SHISA9: variants seen among roughly 807,000 people sequenced by gnomAD.
SHISA9 encodes shisa family member 9.
In SHISA9, 13 loss-of-function variants were observed where a neutral mutation model predicts 38.0. The observed-to-expected ratio is 0.34, with a 90% CI of 0.22 to 0.54. The LOEUF (loss-of-function observed/expected upper bound fraction) is 0.54. SHISA9 is among the 20% of genes least tolerant of loss of function. SHISA9 has a pLI of 0.91. For synonymous variants in SHISA9, 275 were observed against 242.0 expected, an observed-to-expected ratio of 1.14 and a Z score of -1.27; for missense variants, 538 against 575.8, an observed-to-expected ratio of 0.93 and a Z score of 0.67.
intron 2 of SHISA9, among the ~76,000 whole-genome samples, chr16:13,069,727 TAATCTC>T (rs1455572243): frequency 1.3e-5 from 2 of 152,092 alleles, no homozygotes; most frequent in African/African-American, 4.8e-5. Context: ...TCTTGAAACT[TAATCTC>T]AGTGTGTGCA....
At chr16:13,524,871 C>A in the SHISA9 span, among the ~76,000 whole-genome samples, 1 of 152,076 alleles carries the variant, frequency 6.6e-6, no homozygotes, top group Admixed American at 6.5e-5. Context: ...TGTCCTGTGC[C>A]TTTCCATATG....
chr16:13,407,576 A>G, the SHISA9 span, among the ~76,000 whole-genome samples: 4 of 152,216 alleles, frequency 2.6e-5, no homozygotes, highest in Non-Finnish European at 5.9e-5. Context: ...TTTCCTAACC[A>G]ATAACCATTC....
At chr16:13,152,637 G>A (rs1461143581) in intron 2 of SHISA9, among the ~76,000 whole-genome samples, 1 of 152,154 alleles carries the variant, frequency 6.6e-6, no homozygotes, top group African/African-American at 2.4e-5. Context: ...TAAATGCCAG[G>A]ACAATCTTGG....
the SHISA9 span, among the ~76,000 whole-genome samples, chr16:13,431,060 A>T: frequency 6.6e-6 from 1 of 152,194 alleles, no homozygotes; most frequent in African/African-American, 2.4e-5. Context: ...CTCTTCAGCT[A>T]GTTGAGGGAA....
At chr16:12,979,709 G>C (rs894286207) in intron 2 of SHISA9, among the ~76,000 whole-genome samples, 1 of 151,850 alleles carries the variant, frequency 6.6e-6, no homozygotes, top group African/African-American at 2.4e-5. Flanking sequence ...TATCTATAAC[G>C]TTGTGTGTTG....
the SHISA9 span, among the ~76,000 whole-genome samples, chr16:13,357,889 G>A: frequency 6.6e-6 from 1 of 152,122 alleles, no homozygotes; most frequent in Non-Finnish European, 1.5e-5. Context: ...CATCAGTTAA[G>A]GCAATGACCG....
intron 2 of SHISA9, among the ~76,000 whole-genome samples, chr16:12,997,397 T>C (rs1347608866): frequency 6.6e-6 from 1 of 150,842 alleles, no homozygotes. Flanking sequence ...GTTTCCAGTT[T>C]AGGCTTAACC....
intron 2 of SHISA9, among the ~76,000 whole-genome samples, chr16:12,970,527 T>C (rs1245774477): frequency 2.5e-5 from 2 of 78,856 alleles, no homozygotes; most frequent in African/African-American, 9.1e-5. Flanking sequence ...TTTTTTTTTT[T>C]TGAGACCAAG....
the SHISA9 span, among the ~76,000 whole-genome samples, chr16:13,328,625 CACACACACACAT>C: frequency 0.01 from 1,260 of 121,446 alleles, 6 homozygotes; most frequent in Non-Finnish European, 0.015. Context: ...CACACACACA[CACACACACACAT>C]ATATATTGTA....
chr16:13,347,574 A>C, the SHISA9 span, among the ~76,000 whole-genome samples: 8 of 152,194 alleles, frequency 5.3e-5, no homozygotes, highest in Non-Finnish European at 4.4e-5. Context: ...AGAGCACTGC[A>C]TTTCTGGACA....
At chr16:13,328,334 G>C in the SHISA9 span, among the ~76,000 whole-genome samples, 3 of 151,972 alleles carry the variant, frequency 2.0e-5, no homozygotes, top group African/African-American at 7.3e-5. Context: ...CAAGTGCAAG[G>C]TCTGCAGATT....
At chr16:13,441,921 A>G in the SHISA9 span, among the ~76,000 whole-genome samples, 1 of 152,202 alleles carries the variant, frequency 6.6e-6, no homozygotes, top group Admixed American at 6.5e-5. Flanking sequence ...GTAACCCAAG[A>G]TGACTCAAAA....
At chr16:13,518,685 T>C in the SHISA9 span, among the ~76,000 whole-genome samples, 2 of 152,248 alleles carry the variant, frequency 1.3e-5, no homozygotes, top group African/African-American at 4.8e-5. Context: ...AAAAGTAGCA[T>C]CTTTATTTCC....
intron 4 of SHISA9, among the ~76,000 whole-genome samples, 183 bp downstream of exon 4, chr16:13,213,483 T>TGC (rs1381242773): frequency 1.3e-5 from 2 of 152,172 alleles, no homozygotes; most frequent in Non-Finnish European, 2.9e-5. Context: ...TGTGTGTGTG[T>TGC]GCATCTAGCA....
chr16:13,414,533 G>A, the SHISA9 span, among the ~76,000 whole-genome samples: 1 of 152,066 alleles, frequency 6.6e-6, no homozygotes, highest in African/African-American at 2.4e-5. Context: ...GAGGCTCAGA[G>A]AAGTAAAAAG....
At chr16:12,976,590 G>T (rs2072164971) in intron 2 of SHISA9, among the ~76,000 whole-genome samples, 1 of 152,168 alleles carries the variant, frequency 6.6e-6, no homozygotes, top group South Asian at 2.1e-4. Flanking sequence ...AGTTACTCTA[G>T]ATATTCAGGC....
chr16:13,415,712 T>G, the SHISA9 span, among the ~76,000 whole-genome samples: 2 of 152,094 alleles, frequency 1.3e-5, no homozygotes, highest in African/African-American at 4.8e-5. Context: ...TCCAGAAAGA[T>G]TTGGATAGCT....
intron 2 of SHISA9, among the ~76,000 whole-genome samples, chr16:13,086,353 CAA>C (rs767516512): frequency 3.0e-3 from 151 of 50,962 alleles, no homozygotes; most frequent in Middle Eastern, 0.014. Context: ...GATTCCATCT[CAA>C]AAAAAAAAAA....
intron 2 of SHISA9, among the ~76,000 whole-genome samples, chr16:12,927,823 C>CA (rs34619548): frequency 4.6e-5 from 7 of 152,112 alleles, no homozygotes; most frequent in African/African-American, 1.7e-4. Context: ...CCAGTTCAAA[C>CA]CACCCAGCCA....
Sources: gnomAD v4.1 joint callset for allele counts (sites outside exome capture counted in the v4.1 genomes callset) on GRCh38, gnomAD v4.1.1 for gene constraint, MANE v1.5 for transcripts, NCBI Gene and HGNC (gene_info 2026-07-23, HGNC 2026-07-21) for gene names.